CLPB: variants seen among roughly 807,000 people sequenced by gnomAD.
The protein encoded by CLPB is ClpB family mitochondrial disaggregase, also known as mitochondrial disaggregase.
CLPB carries 40 observed loss-of-function variants against 78.4 expected under a neutral mutation model. That is an observed-to-expected ratio of 0.51 (90% CI 0.40 to 0.66). CLPB has a LOEUF of 0.66. Among genes scored for constraint, CLPB ranks in the 30% least tolerant of loss-of-function variants. The pLI, the probability that CLPB is intolerant of heterozygous loss-of-function variation, is 0.00. For synonymous variants in CLPB, 333 were observed against 348.0 expected (o/e 0.96, Z 0.48); for missense variants, 780 against 886.9 (o/e 0.88, Z 1.53).
intron 5 of CLPB, among the ~76,000 whole-genome samples, chr11:72,348,121 G>A (rs890877018): frequency 6.6e-6 from 1 of 152,208 alleles, no homozygotes; most frequent in African/African-American, 2.4e-5. Flanking sequence ...AAGCCACTAA[G>A]TTTGTGATAA....
intron 5 of CLPB, among the ~76,000 whole-genome samples, chr11:72,342,284 C>T (rs1443031320): frequency 2.0e-5 from 3 of 152,054 alleles, no homozygotes; most frequent in Non-Finnish European, 4.4e-5. Context: ...GGTATAAAAA[C>T]CATGGAAATG....
At chr11:72,432,288 G>A (rs909044034) in intron 1 of CLPB, among the ~76,000 whole-genome samples, 3 of 152,098 alleles carry the variant, frequency 2.0e-5, no homozygotes, top group Non-Finnish European at 4.4e-5. Context: ...CACTGTGGTG[G>A]GCAAATGATG....
chr11:72,301,775 C>T (rs373976306), intron 11 of CLPB, 28 bp downstream of exon 11: 45 of 1,606,432 alleles, frequency 2.8e-5, no homozygotes, highest in South Asian at 1.0e-4. Context: ...GGTGTCCCCC[C>T]GCTCCATCCT....
intron 4 of CLPB, among the ~76,000 whole-genome samples, chr11:72,377,759 T>G (rs1042913117): frequency 7.9e-5 from 12 of 151,882 alleles, no homozygotes; most frequent in South Asian, 2.1e-4. Flanking sequence ...GAACTAGGAA[T>G]GCGAAAAGAA....
Position 72,293,504 on chromosome 11 carries a change from T to C in CLPB, c.1897A>G (p.Ser633Gly), listed in dbSNP as rs759268004. Residue 633 changes from serine to glycine, a missense_variant, in exon 16 of 16, where the codon AGC (serine) becomes GGC (glycine). By Grantham distance (56) the Ser-to-Gly change is moderately conservative. Around this residue, in one of 3 missense-constraint regions of CLPB, gnomAD observed 272 missense variants for 304.0 expected, o/e 0.89. Coordinates refer to ENST00000538039, the MANE Select transcript of CLPB (RefSeq NM_001258392.3). ...VEDSDKQLLKSPELPSPQAEK... is the reference protein window; with the variant it reads ...VEDSDKQLLKGPELPSPQAEK... ...GCCTGGGGTGAGGGCAGTTCTGGGC[T>C]TTTGAGTAGCTGCTTGTCTGAGTCC... The C allele has an allele frequency of 6.2e-6, 10 of 1,614,144 alleles. 1 individual carries two copies. Among genetic ancestry groups the C allele is most frequent in the Middle Eastern group, 3.3e-4 (2 of 6,062 alleles).
At chr11:72,307,363 A>C (rs1003131732) in intron 8 of CLPB, 109 bp from the exon 9 acceptor site, 1 of 941,242 alleles carries the variant, frequency 1.1e-6, no homozygotes, top group African/African-American at 1.6e-5. Context: ...TCTATGGATG[A>C]GAATGTTGAG....
At chr11:72,350,693 C>A (rs1339952015) in intron 5 of CLPB, among the ~76,000 whole-genome samples, 5 of 152,222 alleles carry the variant, frequency 3.3e-5, no homozygotes, top group Non-Finnish European at 7.3e-5. Context: ...GGGCTCATCT[C>A]CTCTACCACA....
At chr11:72,427,438 C>T (rs899997979) in intron 2 of CLPB, among the ~76,000 whole-genome samples, 4 of 152,160 alleles carry the variant, frequency 2.6e-5, no homozygotes, top group Non-Finnish European at 4.4e-5. Flanking sequence ...TACAGTCATG[C>T]GCTACACAAT....
chr11:72,434,495 C>A lies in CLPB; in HGVS notation c.-21G>T. The A allele has an allele frequency of 6.6e-7, 1 of 1,521,630 alleles. No individual in the cohort carries two copies. Among genetic ancestry groups the A allele is most frequent in the Non-Finnish European group, 8.8e-7 (1 of 1,134,076 alleles). 94.3% of individuals were successfully genotyped at this position (1,521,630 alleles called of 1,614,324 possible). On this transcript the variant is annotated 5_prime_UTR_variant, in exon 1 of 16. Transcript: ENST00000538039. ...AGCATCTTGACAGCTGCTTCGATAA[C>A]CCCGTGGTGCCGGCCCCTGTGCTGA...
chr11:72,402,094 TAA>T (rs756386383), intron 3 of CLPB, among the ~76,000 whole-genome samples: 9 of 142,152 alleles, frequency 6.3e-5, no homozygotes, highest in Admixed American at 1.4e-4. Context: ...CCCCTATCTT[TAA>T]AAAAAAAAAA....
At position 72,389,636 on chromosome 11, in the gene CLPB, C is replaced by T. The variant is rs116843866; in HGVS notation, c.543-9252G>A. On this transcript the variant is annotated intron_variant, in intron 3 of 15. Coordinates refer to ENST00000538039, the MANE Select transcript of CLPB (RefSeq NM_001258392.3). Reference sequence around the variant, plus strand: ...CTGGGCAAAGGCTTAAGAATATCAGCGATTCTCTGGCTGGCATGGTGGCTC... The same window carrying T: ...CTGGGCAAAGGCTTAAGAATATCAGTGATTCTCTGGCTGGCATGGTGGCTC... Among the ~76,000 whole-genome samples, 84 of 152,266 alleles carry T rather than the reference C, an allele frequency of 5.5e-4. No homozygotes were observed. The East Asian group carries it at 0.015, about 28-fold the overall frequency.
intron 3 of CLPB, among the ~76,000 whole-genome samples, chr11:72,387,085 A>C (rs1349695160): frequency 6.6e-6 from 1 of 152,234 alleles, no homozygotes; most frequent in Non-Finnish European, 1.5e-5. Flanking sequence ...CATCAGAATG[A>C]ATAATGACAG....
At chr11:72,349,762 G>A (rs74513321) in intron 5 of CLPB, among the ~76,000 whole-genome samples, 9 of 152,388 alleles carry the variant, frequency 5.9e-5, no homozygotes, top group Non-Finnish European at 1.3e-4. Flanking sequence ...GGGGGCATGA[G>A]TGGGCTGGCA....
In CLPB at chr11:72,321,083, G is replaced by GATAT. The variant is rs60429700; in HGVS notation, c.874-3867_874-3864dup. ...AAACTAGAGAAGGAAAAATACTTGA[G>GATAT]ATATATATATATATTCTATTTGGAG... On this transcript the variant is annotated intron_variant, in intron 6 of 15. Transcript: ENST00000538039. Among the ~76,000 whole-genome samples, 475 of 151,490 alleles carry GATAT rather than the reference G, an allele frequency of 3.1e-3. 6 individuals carry two copies. Among genetic ancestry groups the GATAT allele is most frequent in the African/African-American group, 0.011 (453 of 41,276 alleles).
intron 5 of CLPB, among the ~76,000 whole-genome samples, chr11:72,346,038 GA>G (rs1385842672): frequency 7.9e-5 from 12 of 152,202 alleles, no homozygotes; most frequent in Admixed American, 7.9e-4. Context: ...ATATTAATAT[GA>G]AATGTGTGAA....
intron 3 of CLPB, among the ~76,000 whole-genome samples, chr11:72,395,314 A>ACTC (rs1303449164): frequency 1.3e-5 from 2 of 151,584 alleles, no homozygotes; most frequent in Non-Finnish European, 2.9e-5. Flanking sequence ...AGCCGACTTG[A>ACTC]CTCCTGGTTC....
Position 72,372,906 on chromosome 11 carries a change from T to C in CLPB, c.646+7375A>G, listed in dbSNP as rs767103006. On this transcript the variant is annotated intron_variant, in intron 4 of 15. Coordinates refer to ENST00000538039, the MANE Select transcript of CLPB (RefSeq NM_001258392.3). ...GTCCTGGGGAGGGGGAGAAATATTA[T>C]ACAGAGCAGTTCCATTACCGCCAGC... 3.1e-6 allele frequency: 5 copies of C among 1,603,226 alleles called. No individual in the cohort carries two copies. In the South Asian group the frequency reaches 3.3e-5, roughly 11 times the overall value.
chr11:72,380,673 TA>T (rs897400194), intron 3 of CLPB, among the ~76,000 whole-genome samples: 5 of 151,232 alleles, frequency 3.3e-5, no homozygotes, highest in Admixed American at 6.6e-5. Context: ...ACTTCATTTT[TA>T]AAAAAAAAGG....
rs541527327 is a variant in CLPB, at chr11:72,377,913, C to T, written c.646+2368G>A. Among the ~76,000 whole-genome samples the T allele has an allele frequency of 1.8e-3, 281 of 152,238 alleles. 1 individual carries two copies. The highest frequency in any genetic ancestry group is 2.2e-3 in the Non-Finnish European group (149 of 68,012). ...GTGGCTGCTTCTGTATCACAATGGT[C>T]GAGGTAAGTAGTCACAACTGAGATC... On this transcript the variant is annotated intron_variant, in intron 4 of 15. Transcript: ENST00000538039.
Sources: allele counts gnomAD v4.1 joint callset (sites outside exome capture counted in the v4.1 genomes callset), GRCh38; gene constraint gnomAD v4.1.1; regional missense constraint gnomAD v4.1.1; transcripts MANE v1.5; gene names NCBI Gene and HGNC (gene_info 2026-07-23, HGNC 2026-07-21).